The following ATG14 variants were observed in gnomAD, a reference collection of about 807,000 sequenced individuals.
ATG14 encodes the protein beclin 1-associated autophagy-related key regulator.
ATG14 carries 35 observed loss-of-function variants against 60.4 expected under a neutral mutation model. The ratio of observed to expected loss-of-function variants is 0.58; its 90% CI spans 0.44 to 0.77. ATG14 has a LOEUF of 0.77. Ranked by LOEUF, ATG14 falls within the 30% of genes least tolerant of loss-of-function variation. ATG14 has a pLI of 0.00. For synonymous variants in ATG14, 234 were observed against 228.8 expected (o/e 1.02, Z -0.21); for missense variants, 647 against 626.3 (o/e 1.03, Z -0.35).
chr14:55,405,774 C>T (rs188465577), intron 1 of ATG14, among the ~76,000 whole-genome samples: 125 of 151,758 alleles, frequency 8.2e-4, no homozygotes, highest in African/African-American at 2.4e-3. Context: ...GAGGTACTGC[C>T]TAATATCATT....
chr14:55,385,712 T>A (rs1241782693), intron 5 of ATG14, 147 bp downstream of exon 5: 8 of 770,186 alleles, frequency 1.0e-5, no homozygotes, highest in Non-Finnish European at 1.6e-5. Context: ...CGGTGCGTAC[T>A]GTTTGTTGAA....
intron 1 of ATG14, among the ~76,000 whole-genome samples, chr14:55,398,586 G>A (rs1029564420): frequency 6.6e-6 from 1 of 152,048 alleles, no homozygotes; most frequent in Non-Finnish European, 1.5e-5. Flanking sequence ...GTAGCTTACT[G>A]TTATTGTTTC....
intron 9 of ATG14, among the ~76,000 whole-genome samples, chr14:55,372,896 G>A (rs769227814): frequency 3.3e-5 from 5 of 152,164 alleles, no homozygotes; most frequent in African/African-American, 9.7e-5. Flanking sequence ...CGGAGCAGGC[G>A]CTCAGCTAAG....
At chr14:55,380,514 C>A in intron 7 of ATG14, 59 bp downstream of exon 7, 1 of 1,165,736 alleles carries the variant, frequency 8.6e-7, no homozygotes. Flanking sequence ...TAAATAAAGA[C>A]AAAATAGAAA....
At chr14:55,401,132 CCTCT>C (rs879364681) in intron 1 of ATG14, among the ~76,000 whole-genome samples, 4 of 151,962 alleles carry the variant, frequency 2.6e-5, no homozygotes, top group East Asian at 1.9e-4. Flanking sequence ...CCCATCCCTC[CCTCT>C]GAGAGATGGT....
chr14:55,369,958 A>G (rs1394285568), intron 9 of ATG14, 33 bp from the exon 10 acceptor site: 1 of 1,543,754 alleles, frequency 6.5e-7, no homozygotes. Context: ...TCTTTAGGAT[A>G]ACAACCATTC....
At position 55,369,854 on chromosome 14, in the gene ATG14, T is replaced by G. The variant is rs1428015565; in HGVS notation, c.1244A>C (p.Glu415Ala). ...GCGCTCATCTCCGCTCTCATCTGAT[T>G]CTCCAGCAACTCCGGGATCCACAAA... ...MEFVDPGVAG[E>A]SDESGDERVS... is the part of the protein sequence containing the mutation. Residue 415 changes from glutamate to alanine, a missense_variant, in exon 10 of 10, where the codon GAA becomes GCA. Physicochemically the swap from Glu to Ala is moderately radical, Grantham distance 107. Transcript: ENST00000247178. 5 of 1,613,988 alleles carry G rather than the reference T, an allele frequency of 3.1e-6. No homozygotes were observed. Among genetic ancestry groups the G allele is most frequent in the Non-Finnish European group, 4.2e-6 (5 of 1,180,014 alleles).
Position 55,369,997 on chromosome 14 carries a change from G to A in ATG14, c.1173-72C>T, listed in dbSNP as rs907953400. 4.1e-6 allele frequency: 6 copies of A among 1,472,264 alleles called. No individual in the cohort carries two copies. The Middle Eastern group carries it at 5.5e-4, about 135-fold the overall frequency. The allele number at this position is 1,472,264 out of a possible 1,614,324, so 91.2% of individuals were successfully genotyped here. A position where few individuals can be genotyped will look rare whatever the true frequency, so the allele number is the denominator to read the frequency against. On this transcript the variant is annotated intron_variant, in intron 9 of 9. Transcript: ENST00000247178. ...ACACCAGAAAATATGCCATCTTCCT[G>A]AAGGCCCTCACCTGAGGGGATGAGG... is the stretch of plus-strand genomic sequence containing the variant.
rs1884725589 is a variant in ATG14, at chr14:55,368,150, T to G, written c.*1469A>C. On this transcript the variant is annotated 3_prime_UTR_variant, in exon 10 of 10. Transcript: ENST00000247178. The stretch of plus-strand genomic sequence containing the variant: ...TTTGTACATAATGCCTCTCTCATTA[T>G]AGTTTTCTTGTAAGATTGTCACTAA... The G allele has an allele frequency of 6.5e-6, 1 of 152,684 alleles. No individual in the cohort carries two copies. The highest frequency in any genetic ancestry group is 2.4e-5 in the African/African-American group (1 of 41,474). The allele number at this position is 152,684 out of a possible 1,614,324, so 9.5% of individuals were successfully genotyped here.
intron 9 of ATG14, among the ~76,000 whole-genome samples, chr14:55,373,786 G>GT (rs1412490104): frequency 1.4e-5 from 2 of 146,278 alleles, no homozygotes; most frequent in African/African-American, 5.1e-5. Flanking sequence ...TAATTTTTCT[G>GT]TAAGTTTAAA....
At chr14:55,380,875 A>ATATATATATATATATAT (rs377330757) in intron 6 of ATG14, among the ~76,000 whole-genome samples, 185 bp from the exon 7 acceptor site, 21 of 112,700 alleles carry the variant, frequency 1.9e-4, no homozygotes, top group African/African-American at 6.8e-4. Flanking sequence ...ATATATATAT[A>ATATATATATATATATAT]TTTTTTTTTT....
chr14:55,371,528 C>T (rs546540588), intron 9 of ATG14, among the ~76,000 whole-genome samples: 3 of 151,418 alleles, frequency 2.0e-5, no homozygotes, highest in South Asian at 2.1e-4. Context: ...CCCCTCAGGC[C>T]GGGCGCGGTG....
chr14:55,411,771 C>T lies in ATG14; in HGVS notation c.52G>A (p.Gly18Arg). 6.2e-7 allele frequency: 1 copy of T among 1,605,642 alleles called. No homozygotes were observed. Among genetic ancestry groups the T allele is most frequent in the Non-Finnish European group, 8.5e-7 (1 of 1,176,720 alleles). ...AGGTCCCGGGCGAGCGGCCGGGGCC[C>T]GCAGCCAGGAGCCTCCAGCGCCCGG... ...GARALEAPGC[G>R]PRPLARDLVD... The change falls in exon 1 of 10, where the codon GGG (glycine) becomes AGG (arginine). Residue 18 changes from glycine to arginine, a missense_variant. Physicochemically the swap from Gly to Arg is moderately radical, Grantham distance 125. Coordinates refer to ENST00000247178, the MANE Select transcript of ATG14 (RefSeq NM_014924.5).
At chr14:55,380,772 T>A in intron 6 of ATG14, 82 bp from the exon 7 acceptor site, 7 of 935,106 alleles carry the variant, frequency 7.5e-6, no homozygotes, top group Non-Finnish European at 1.1e-5. Flanking sequence ...TCATTTATGA[T>A]TTTATCATGA....
chr14:55,377,902 A>G lies in ATG14; in HGVS notation c.1089T>C (p.His363=). The part of the protein sequence containing the change: ...ANILYLCFSQ[H]VNLDQLQPLH... ...GTGGTTGTAATTGATCTAAATTTAC[A>G]TGCTAAAAAAAATTAAAGAATTGGT... Residue 363 remains histidine (H), a splice_region_variant and synonymous_variant, in exon 9 of 10, where the codon CAT becomes CAC. Coordinates refer to ENST00000247178, the MANE Select transcript of ATG14 (RefSeq NM_014924.5). 6.2e-7 allele frequency: 1 copy of G among 1,602,348 alleles called. No individual in the cohort carries two copies. Among genetic ancestry groups the G allele is most frequent in the Non-Finnish European group, 8.5e-7 (1 of 1,175,686 alleles).
At chr14:55,393,412 T>C (rs748183283) in intron 3 of ATG14, among the ~76,000 whole-genome samples, 2 of 151,622 alleles carry the variant, frequency 1.3e-5, no homozygotes, top group Non-Finnish European at 2.9e-5. Flanking sequence ...AAAAGAAATA[T>C]ATGAATAATG....
intron 1 of ATG14, 138 bp downstream of exon 1, chr14:55,411,464 A>G (rs1162405151): frequency 7.1e-6 from 6 of 845,576 alleles, no homozygotes; most frequent in Non-Finnish European, 1.1e-5. Flanking sequence ...GGTGCAGAGC[A>G]GCTAGCTACA....
intron 1 of ATG14, among the ~76,000 whole-genome samples, chr14:55,403,006 A>T (rs1418585865): frequency 8.1e-6 from 1 of 123,418 alleles, no homozygotes; most frequent in African/African-American, 3.1e-5. Context: ...TACAGTCCTA[A>T]CTTCTCTGGA....
rs1884691932 is a variant in ATG14, at chr14:55,366,898, A to G, written c.*2721T>C. 6.5e-6 allele frequency: 1 copy of G among 152,686 alleles called. No homozygotes were observed. The highest frequency in any genetic ancestry group is 2.4e-5 in the African/African-American group (1 of 41,458). The allele number at this position is 152,686 out of a possible 1,614,324, so 9.5% of individuals were successfully genotyped here. Reference sequence around the variant, plus strand: ...GTAGAAAAAACAGTGGTTGAAATGTATACTTAAGAGTATTTACAGGGTGGA... The same window carrying G: ...GTAGAAAAAACAGTGGTTGAAATGTGTACTTAAGAGTATTTACAGGGTGGA... On this transcript the variant is annotated 3_prime_UTR_variant, in exon 10 of 10. Transcript: ENST00000247178.
Sources: gnomAD v4.1 joint callset for allele counts (sites outside exome capture counted in the v4.1 genomes callset) on GRCh38, gnomAD v4.1.1 for gene constraint, MANE v1.5 for transcripts, NCBI Gene and HGNC (gene_info 2026-07-23, HGNC 2026-07-21) for gene names.